The following CYB5B variants were observed in gnomAD, a reference collection of about 807,000 sequenced individuals.
CYB5B encodes the protein cytochrome b5 type B (outer mitochondrial membrane).
Under a neutral mutation model 21.3 loss-of-function variants are expected in CYB5B, and 14 were observed. The observed-to-expected ratio is 0.66, with a 90% CI of 0.43 to 1.03. The LOEUF is 1.03. Ranked by LOEUF, CYB5B falls within the 50% of genes least tolerant of loss-of-function variation. The pLI, the probability that CYB5B is intolerant of heterozygous loss-of-function variation, is 0.00. For synonymous variants in CYB5B, 69 were observed against 68.4 expected, an observed-to-expected ratio of 1.01 and a Z score of -0.04; for missense variants, 166 against 185.1, an observed-to-expected ratio of 0.90 and a Z score of 0.60.
chr16:69,446,369 G>C (rs1342508257), intron 1 of CYB5B, among the ~76,000 whole-genome samples: 1 of 152,018 alleles, frequency 6.6e-6, no homozygotes. Context: ...TTTTGCCCAG[G>C]CTGGAGTGCA....
Position 69,462,569 on chromosome 16 carries a change from A to G in CYB5B, c.*49A>G. On this transcript the variant is annotated 3_prime_UTR_variant, in exon 5 of 5. Transcript: ENST00000307892. ...GTGCATCCACTTTGGGGCGAAAACT[A>G]GAGACTTGCTTGGGGGCTGCAGAAG... 2 of 1,497,468 alleles carry G rather than the reference A, an allele frequency of 1.3e-6. No individual in the cohort carries two copies. Among genetic ancestry groups the G allele is most frequent in the Non-Finnish European group, 1.9e-6 (2 of 1,076,794 alleles). 92.8% of individuals were successfully genotyped at this position (1,497,468 alleles called of 1,614,324 possible).
chr16:69,435,675 T>C (rs1468563984), intron 1 of CYB5B, among the ~76,000 whole-genome samples: 10 of 152,174 alleles, frequency 6.6e-5, no homozygotes, highest in Non-Finnish European at 2.9e-5. Flanking sequence ...TCTCACTGTG[T>C]CTCCCAGGCT....
At chr16:69,452,879 G>A (rs1404846685) in intron 3 of CYB5B, among the ~76,000 whole-genome samples, 1 of 151,654 alleles carries the variant, frequency 6.6e-6, no homozygotes, top group Non-Finnish European at 1.5e-5. Flanking sequence ...CACACCTGTC[G>A]TCGCAGCTAC....
chr16:69,459,122 G>A lies in CYB5B; in HGVS notation c.362+1G>A. 2 of 1,604,004 alleles carry A rather than the reference G, an allele frequency of 1.2e-6. No homozygotes were observed. Among genetic ancestry groups the A allele is most frequent in the Non-Finnish European group, 1.7e-6 (2 of 1,176,648 alleles). On this transcript the variant is annotated splice_donor_variant, in intron 4 of 4. Coordinates refer to ENST00000307892, the MANE Select transcript of CYB5B (RefSeq NM_030579.3). LOFTEE classifies it high-confidence loss of function. ...CTTCAAAAAATGATACATGCAAAAG[G>A]TTAGTATCTCCTTAACAGCTTTCCA... is the stretch of plus-strand genomic sequence containing the variant.
rs886086637 is a variant in CYB5B, at chr16:69,447,241, A to T, written c.266A>T (p.Glu89Val). ...GTAGGACACTCTTCTGATGCCAGAGAAATGCTAAAGCAGTACTACATTGGT... is the reference window on the plus strand; with the variant it reads ...GTAGGACACTCTTCTGATGCCAGAGTAATGCTAAAGCAGTACTACATTGGT... ...EDVGHSSDAR[E>V]MLKQYYIGDI... Residue 89 changes from glutamate to valine, a missense_variant, in exon 2 of 5, where the codon GAA becomes GTA. By Grantham distance (121) the Glu-to-Val change is moderately radical. Coordinates refer to ENST00000307892, the MANE Select transcript of CYB5B (RefSeq NM_030579.3). 1.2e-6 allele frequency: 2 copies of T among 1,614,130 alleles called. No homozygotes were observed. The highest frequency in any genetic ancestry group is 8.5e-7 in the Non-Finnish European group (1 of 1,180,014).
rs1478871321 is a variant in CYB5B at position 69,465,911 on chromosome 16, T to G, written c.*3391T>G. On this transcript the variant is annotated 3_prime_UTR_variant, in exon 5 of 5. Coordinates refer to ENST00000307892, the MANE Select transcript of CYB5B (RefSeq NM_030579.3). Reference sequence around the variant, plus strand: ...GCTCTGAAAGAGCCAGGTTTGGAATTTGTGGGGGTGATCTAGGAAGAAGGT... The same window carrying G: ...GCTCTGAAAGAGCCAGGTTTGGAATGTGTGGGGGTGATCTAGGAAGAAGGT... The G allele has an allele frequency of 6.6e-6, 1 of 152,480 alleles. No homozygotes were observed. The highest frequency in any genetic ancestry group is 1.5e-5 in the Non-Finnish European group (1 of 68,034). The allele number at this position is 152,480 out of a possible 1,614,324, so 9.4% of individuals were successfully genotyped here.
chr16:69,459,895 G>C (rs17774079), intron 4 of CYB5B, among the ~76,000 whole-genome samples: 1 of 152,140 alleles, frequency 6.6e-6, no homozygotes, highest in South Asian at 2.1e-4. Flanking sequence ...TAGGATCAGC[G>C]AAATGCTGCA....
chr16:69,440,945 C>T (rs1034632076), intron 1 of CYB5B, among the ~76,000 whole-genome samples: 5 of 151,806 alleles, frequency 3.3e-5, no homozygotes, highest in Admixed American at 1.3e-4. Flanking sequence ...AGGCCTGCGC[C>T]GCCGTGCCTG....
At chr16:69,425,011 G>C (rs758188371) in intron 1 of CYB5B, among the ~76,000 whole-genome samples, 154 bp downstream of exon 1, 1 of 152,150 alleles carries the variant, frequency 6.6e-6, no homozygotes, top group South Asian at 2.1e-4. Flanking sequence ...GGGTGGGATT[G>C]GGGGAGGGCT....
At position 69,463,557 on chromosome 16, in the gene CYB5B, C is replaced by G. The variant is rs1485214313; in HGVS notation, c.*1037C>G. 6.6e-6 allele frequency: 1 copy of G among 152,024 alleles called. No homozygotes were observed. Among genetic ancestry groups the G allele is most frequent in the Non-Finnish European group, 1.5e-5 (1 of 68,012 alleles). The allele number at this position is 152,024 out of a possible 1,614,324, so 9.4% of individuals were successfully genotyped here. Reference sequence around the variant, plus strand: ...TATAATTATGTTTGTAGAGCTTTACCAAGGAGTTTCCCTCCTTTTTTGTTT... The same window carrying G: ...TATAATTATGTTTGTAGAGCTTTACGAAGGAGTTTCCCTCCTTTTTTGTTT... On this transcript the variant is annotated 3_prime_UTR_variant, in exon 5 of 5. Coordinates refer to ENST00000307892, the MANE Select transcript of CYB5B (RefSeq NM_030579.3).
intron 3 of CYB5B, among the ~76,000 whole-genome samples, chr16:69,452,150 C>T (rs554118454): frequency 6.6e-6 from 1 of 151,360 alleles, no homozygotes; most frequent in South Asian, 2.1e-4. Context: ...CGCGGTGGCT[C>T]AAGCCTGTAA....
intron 1 of CYB5B, among the ~76,000 whole-genome samples, chr16:69,426,658 T>C (rs2014650296): frequency 6.8e-6 from 1 of 146,368 alleles, no homozygotes; most frequent in African/African-American, 2.6e-5. Flanking sequence ...TGAGCCATGA[T>C]TGCACCACTG....
chr16:69,436,877 CATCAGTCCCCT>C (rs2014765643), intron 1 of CYB5B, among the ~76,000 whole-genome samples: 1 of 152,152 alleles, frequency 6.6e-6, no homozygotes, highest in Non-Finnish European at 1.5e-5. Flanking sequence ...CTATTCTGCC[CATCAGTCCCCT>C]ATTTCCATAG....
At chr16:69,448,175 T>C (rs1192832192) in intron 3 of CYB5B, 31 bp downstream of exon 3, 3 of 1,612,216 alleles carry the variant, frequency 1.9e-6, no homozygotes, top group African/African-American at 2.7e-5. Context: ...CTTGTGTTTA[T>C]ATTTGTGTTT....
At chr16:69,427,407 T>C (rs930820004) in intron 1 of CYB5B, among the ~76,000 whole-genome samples, 1 of 152,066 alleles carries the variant, frequency 6.6e-6, no homozygotes, top group Non-Finnish European at 1.5e-5. Context: ...TTTTTTTTTT[T>C]CCTCTGTGAA....
Position 69,424,735 on chromosome 16 carries a change from C to A in CYB5B, c.52C>A (p.Gln18Lys). The A allele has an allele frequency of 6.3e-7, 1 of 1,599,454 alleles. No individual in the cohort carries two copies. Among genetic ancestry groups the A allele is most frequent in the Non-Finnish European group, 8.5e-7 (1 of 1,173,088 alleles). Residue 18 changes from glutamine (Q) to lysine (K), a missense_variant, in exon 1 of 5, where the codon CAG becomes AAG. Coordinates refer to ENST00000307892, the MANE Select transcript of CYB5B (RefSeq NM_030579.3). ...AEASGSDGKG[Q>K]EVETSVTYYR... is the part of the protein sequence containing the mutation. ...AGCTAGCGGCAGCGATGGGAAAGGGCAGGAAGTCGAGACCTCAGTCACCTA... is the reference window on the plus strand; with the variant it reads ...AGCTAGCGGCAGCGATGGGAAAGGGAAGGAAGTCGAGACCTCAGTCACCTA...
At chr16:69,437,498 C>T (rs1281102982) in intron 1 of CYB5B, among the ~76,000 whole-genome samples, 1 of 152,034 alleles carries the variant, frequency 6.6e-6, no homozygotes, top group Non-Finnish European at 1.5e-5. Context: ...GAGCATAACC[C>T]CCCCAATACA....
chr16:69,447,599 C>T (rs1303879533), intron 2 of CYB5B, among the ~76,000 whole-genome samples: 2 of 149,696 alleles, frequency 1.3e-5, no homozygotes, highest in Non-Finnish European at 3.0e-5. Flanking sequence ...GCCAAGATTG[C>T]ACCACTGCAC....
chr16:69,454,207 A>G (rs1231685129), intron 3 of CYB5B, among the ~76,000 whole-genome samples: 1 of 152,184 alleles, frequency 6.6e-6, no homozygotes, highest in African/African-American at 2.4e-5. Flanking sequence ...AAGAGAGTTT[A>G]TAGCAATTTG....
Sources: gnomAD v4.1 joint callset for allele counts (sites outside exome capture counted in the v4.1 genomes callset) on GRCh38, gnomAD v4.1.1 for gene constraint, MANE v1.5 for transcripts, NCBI Gene and HGNC (gene_info 2026-07-23, HGNC 2026-07-21) for gene names.